Variants in UBE2D3 observed in about 807,000 individuals in gnomAD.
UBE2D3 encodes ubiquitin-conjugating enzyme E2 D3.
UBE2D3 carries 2 observed loss-of-function variants against 22.8 expected under a neutral mutation model. The observed-to-expected ratio is 0.09, with a 90% CI of 0.04 to 0.28. UBE2D3 has a LOEUF of 0.28. UBE2D3 is among the 10% of genes least tolerant of loss of function. The pLI is 1.00. For missense variants in UBE2D3, 27 were observed against 182.5 expected (o/e 0.15, Z 4.91); for synonymous variants, 56 against 60.4 (o/e 0.93, Z 0.34).
intron 1 of UBE2D3, among the ~76,000 whole-genome samples, chr4:102,854,999 A>G (rs1191799645): frequency 1.3e-5 from 2 of 152,220 alleles, no homozygotes; most frequent in Admixed American, 1.3e-4. Flanking sequence ...GTGAGTTGCC[A>G]ATGAAAAAGT....
chr4:102,845,199 A>G (rs1408283057), intron 1 of UBE2D3, among the ~76,000 whole-genome samples: 2 of 152,064 alleles, frequency 1.3e-5, no homozygotes, highest in Non-Finnish European at 2.9e-5. Context: ...CTGGGTGACA[A>G]CAGAGCAAGA....
rs1000735488 is a variant in UBE2D3 at position 102,842,396 on chromosome 4, AAAAC to A, written c.-128-15764_-128-15761del. 3.9e-5 allele frequency among the ~76,000 whole-genome samples: 6 copies of A among 152,190 alleles called. No individual in the cohort carries two copies. In the South Asian group the frequency reaches 6.2e-4, roughly 16 times the overall value. On this transcript the variant is annotated intron_variant, in intron 1 of 7. Transcript: ENST00000338145. ...TGGGAACCTGTTTCTACCAAAACAAAAAACAAACAAACGCTGGGCATGGTGGTGC... is the reference window on the plus strand; with the variant it reads ...TGGGAACCTGTTTCTACCAAAACAAAAAACAAACGCTGGGCATGGTGGTGC...
chr4:102,804,632 CTG>C (rs1307805802), intron 4 of UBE2D3, among the ~76,000 whole-genome samples: 1 of 152,230 alleles, frequency 6.6e-6, no homozygotes, highest in East Asian at 1.9e-4. Flanking sequence ...TATGTTTTTT[CTG>C]TGTAAAATTA....
intron 2 of UBE2D3, among the ~76,000 whole-genome samples, chr4:102,823,710 A>G (rs967042348): frequency 1.3e-5 from 2 of 152,200 alleles, no homozygotes; most frequent in East Asian, 3.8e-4. Flanking sequence ...AGACCATATT[A>G]CAGCTCGTTC....
chr4:102,833,884 T>A (rs1319423436), intron 1 of UBE2D3, among the ~76,000 whole-genome samples: 1 of 152,170 alleles, frequency 6.6e-6, no homozygotes, highest in Non-Finnish European at 1.5e-5. Flanking sequence ...GAATTCCAAA[T>A]TGATAACAGG....
intron 4 of UBE2D3, among the ~76,000 whole-genome samples, chr4:102,807,887 T>C (rs1727318142): frequency 6.6e-6 from 1 of 152,198 alleles, no homozygotes; most frequent in Non-Finnish European, 1.5e-5. Context: ...AAGTCTAAAC[T>C]GTCAAGCAGA....
intron 1 of UBE2D3, among the ~76,000 whole-genome samples, chr4:102,864,150 G>A (rs950198852): frequency 1.3e-5 from 2 of 152,136 alleles, no homozygotes; most frequent in Non-Finnish European, 2.9e-5. Flanking sequence ...ACCTTAAGAT[G>A]TAGGTATTAC....
rs1282410412 is a variant in UBE2D3, at chr4:102,794,497, T to C, written c.*2918A>G. 6.6e-6 allele frequency: 1 copy of C among 152,052 alleles called. No homozygotes were observed. Among genetic ancestry groups the C allele is most frequent in the Non-Finnish European group, 1.5e-5 (1 of 67,990 alleles). The allele number at this position is 152,052 out of a possible 1,614,324, so 9.4% of individuals were successfully genotyped here. On this transcript the variant is annotated 3_prime_UTR_variant, in exon 8 of 8. Coordinates refer to ENST00000453744, the MANE Select transcript of UBE2D3 (RefSeq NM_181891.3). ...ACAATATTTAGTGACTTGCACTGGGTTCCTCATAAAAGACAAATTCACTTA... is the reference window on the plus strand; with the variant it reads ...ACAATATTTAGTGACTTGCACTGGGCTCCTCATAAAAGACAAATTCACTTA...
At chr4:102,860,535 G>A (rs1282685317) in intron 1 of UBE2D3, among the ~76,000 whole-genome samples, 1 of 151,820 alleles carries the variant, frequency 6.6e-6, no homozygotes, top group African/African-American at 2.4e-5. Context: ...ACGTTCACCA[G>A]TCAGCCTGAC....
chr4:102,836,362 G>C (rs1731402356), intron 1 of UBE2D3, among the ~76,000 whole-genome samples: 1 of 151,930 alleles, frequency 6.6e-6, no homozygotes, highest in Non-Finnish European at 1.5e-5. Flanking sequence ...GGCCAGGCTG[G>C]TCTCGAACTC....
chr4:102,868,570 G>T, intron 1 of UBE2D3: 1 of 966,694 alleles, frequency 1.0e-6, no homozygotes, highest in Non-Finnish European at 1.7e-6. Flanking sequence ...CCTGGCCTTT[G>T]GGTGAAGGAG....
intron 1 of UBE2D3, among the ~76,000 whole-genome samples, chr4:102,865,676 T>C (rs1048313905): frequency 3.3e-5 from 5 of 152,110 alleles, no homozygotes; most frequent in African/African-American, 9.7e-5. Flanking sequence ...ATTAGACTCC[T>C]AGAATTAAGA....
intron 4 of UBE2D3, among the ~76,000 whole-genome samples, chr4:102,808,215 T>C (rs1347642684): frequency 6.6e-6 from 1 of 152,160 alleles, no homozygotes; most frequent in East Asian, 1.9e-4. Context: ...TGTCATTCCA[T>C]CCCAAGCCAT....
chr4:102,840,300 A>G (rs1381623053), intron 1 of UBE2D3, among the ~76,000 whole-genome samples: 1 of 152,278 alleles, frequency 6.6e-6, no homozygotes, highest in Non-Finnish European at 1.5e-5. Context: ...TCACAGTGGC[A>G]AAGAACAGAA....
chr4:102,809,632 T>G (rs766364686), intron 4 of UBE2D3, 40 bp downstream of exon 4: 1 of 1,555,624 alleles, frequency 6.4e-7, no homozygotes, highest in Non-Finnish European at 8.7e-7. Context: ...CAATGCTGGA[T>G]TTTCACTTAA....
At chr4:102,822,078 CAG>C (rs1729709899) in intron 2 of UBE2D3, among the ~76,000 whole-genome samples, 1 of 152,176 alleles carries the variant, frequency 6.6e-6, no homozygotes, top group Non-Finnish European at 1.5e-5. Context: ...CACCTAAACT[CAG>C]GGGCAAAGTT....
At chr4:102,868,748 C>A in exon 1 of UBE2D3, 1 of 1,614,112 alleles carries the variant, frequency 6.2e-7, no homozygotes, top group South Asian at 1.1e-5. Context: ...AAAGCATTCT[C>A]ACATGCTTAT....
At chr4:102,811,819 C>T (rs1051066809) in intron 2 of UBE2D3, 6 of 437,366 alleles carry the variant, frequency 1.4e-5, no homozygotes, top group Admixed American at 1.3e-4. Flanking sequence ...GAGTTCGAGA[C>T]CAGCTTGGAT....
intron 1 of UBE2D3, among the ~76,000 whole-genome samples, chr4:102,850,088 T>C (rs189232581): frequency 0.012 from 1,810 of 152,242 alleles, 16 homozygotes; most frequent in Non-Finnish European, 0.02. Flanking sequence ...TTTAATAGAA[T>C]ATAGAAGTGA....
Sources: gnomAD v4.1 joint callset for allele counts (sites outside exome capture counted in the v4.1 genomes callset) on GRCh38, gnomAD v4.1.1 for gene constraint, MANE v1.5 for transcripts, NCBI Gene and HGNC (gene_info 2026-07-23, HGNC 2026-07-21) for gene names.